The following AGBL1 variants were observed in gnomAD, a reference collection of about 807,000 sequenced individuals.
The protein encoded by AGBL1 is AGBL carboxypeptidase 1, also known as cytosolic carboxypeptidase 4.
Under a neutral mutation model 118.9 loss-of-function variants are expected in AGBL1, and 130 were observed. The ratio of observed to expected loss-of-function variants is 1.09; its 90% CI spans 0.95 to 1.26. The LOEUF (loss-of-function observed/expected upper bound fraction) is 1.26, where lower values mean the gene tolerates loss of function less well. Among genes scored for constraint, AGBL1 ranks in the 50% most tolerant of loss-of-function variants. The pLI, the probability that AGBL1 is intolerant of heterozygous loss-of-function variation, is 0.00. For missense variants in AGBL1, 1,584 were observed against 1,298.1 expected (o/e 1.22, Z -3.38); for synonymous variants, 555 against 478.9 (o/e 1.16, Z -2.08).
chr15:86,374,877 G>C (rs953201747), intron 17 of AGBL1, among the ~76,000 whole-genome samples: 2 of 152,174 alleles, frequency 1.3e-5, no homozygotes, highest in African/African-American at 2.4e-5. Flanking sequence ...ATTCTGATTT[G>C]TGAAATGGTG....
intron 1 of AGBL1, among the ~76,000 whole-genome samples, chr15:86,135,534 T>C (rs1204003668): frequency 6.6e-6 from 1 of 152,204 alleles, no homozygotes; most frequent in Non-Finnish European, 1.5e-5. Context: ...AGATGGACTT[T>C]ACATCCTGGC....
intron 22 of AGBL1, among the ~76,000 whole-genome samples, chr15:86,787,680 C>T (rs1460051632): frequency 6.6e-6 from 1 of 152,120 alleles, no homozygotes; most frequent in East Asian, 1.9e-4. Flanking sequence ...TATGAATAGT[C>T]CTCCAATGAA....
chr15:86,302,815 C>T (rs1364432767), intron 17 of AGBL1, among the ~76,000 whole-genome samples: 2 of 149,496 alleles, frequency 1.3e-5, no homozygotes, highest in Non-Finnish European at 3.0e-5. Context: ...TAGAAAATCT[C>T]AGGGTACAGG....
intron 22 of AGBL1, among the ~76,000 whole-genome samples, chr15:86,817,648 GACACAC>G (rs199984645): frequency 6.9e-6 from 1 of 144,264 alleles, no homozygotes; most frequent in East Asian, 2.1e-4. Context: ...CACACACACA[GACACAC>G]ACACACACAC....
chr15:86,803,405 G>A (rs942539082), intron 22 of AGBL1, among the ~76,000 whole-genome samples: 2 of 152,124 alleles, frequency 1.3e-5, no homozygotes. Context: ...CCAGCCATGT[G>A]GAAGTGTGAG....
At chr15:86,633,516 A>C (rs1426099255) in intron 21 of AGBL1, among the ~76,000 whole-genome samples, 1 of 152,126 alleles carries the variant, frequency 6.6e-6, no homozygotes, top group Non-Finnish European at 1.5e-5. Context: ...CTCTCAGTAA[A>C]TAAATACTGC....
At chr15:86,644,952 C>T (rs751586270) in intron 21 of AGBL1, among the ~76,000 whole-genome samples, 21 of 151,366 alleles carry the variant, frequency 1.4e-4, no homozygotes, top group South Asian at 1.3e-3. Context: ...ACCGAGGAGG[C>T]GGAGGTTGCA....
chr15:86,215,617 G>T (rs1338937391), intron 5 of AGBL1, among the ~76,000 whole-genome samples: 2 of 152,146 alleles, frequency 1.3e-5, no homozygotes, highest in Admixed American at 1.3e-4. Flanking sequence ...CAGATCTGCT[G>T]CTTTCTAACA....
intron 18 of AGBL1, among the ~76,000 whole-genome samples, chr15:86,457,964 G>A (rs2082281142): frequency 6.6e-6 from 1 of 152,084 alleles, no homozygotes; most frequent in South Asian, 2.1e-4. Flanking sequence ...GGGTAGTCTG[G>A]TATAAAAGGA....
chr15:86,384,247 G>A (rs986545057), intron 17 of AGBL1, among the ~76,000 whole-genome samples: 2 of 152,172 alleles, frequency 1.3e-5, no homozygotes, highest in African/African-American at 2.4e-5. Flanking sequence ...GAGGGAATCA[G>A]TTAATGCTTT....
chr15:86,372,908 T>C (rs1474395661), intron 17 of AGBL1, among the ~76,000 whole-genome samples: 1 of 152,254 alleles, frequency 6.6e-6, no homozygotes, highest in Non-Finnish European at 1.5e-5. Flanking sequence ...ATCCAGCTGT[T>C]ACTGGGTGCT....
At chr15:86,456,901 T>G (rs996782905) in intron 18 of AGBL1, among the ~76,000 whole-genome samples, 1 of 152,216 alleles carries the variant, frequency 6.6e-6, no homozygotes, top group Non-Finnish European at 1.5e-5. Context: ...ATGACCAACA[T>G]TTGAATATCT....
chr15:86,364,180 TA>T (rs1332259719), intron 17 of AGBL1, among the ~76,000 whole-genome samples: 1 of 152,122 alleles, frequency 6.6e-6, no homozygotes, highest in African/African-American at 2.4e-5. Context: ...CTGAAAAAAT[TA>T]AATACAGTGT....
intron 17 of AGBL1, among the ~76,000 whole-genome samples, chr15:86,386,938 A>G (rs2081205658): frequency 6.6e-6 from 1 of 152,200 alleles, no homozygotes; most frequent in South Asian, 2.1e-4. Context: ...TTATGTTGTG[A>G]CATAACTGGG....
chr15:86,512,140 TGTC>T lies in AGBL1; in HGVS notation c.2556-10669_2556-10667del, dbSNP rs1300182641. ...CACAGAGGTACACAAAACACTATCT[TGTC>T]TTTAAAGTGCTGAATGTCTGGTGGA... On this transcript the variant is annotated intron_variant, in intron 18 of 22. Transcript: ENST00000614907. 4.6e-5 allele frequency among the ~76,000 whole-genome samples: 7 copies of T among 151,970 alleles called. 1 individual carries two copies. The highest frequency in any genetic ancestry group is 3.9e-4 in the Admixed American group (6 of 15,242).
chr15:86,787,678 G>T (rs1225577026), intron 22 of AGBL1, among the ~76,000 whole-genome samples: 1 of 152,084 alleles, frequency 6.6e-6, no homozygotes, highest in African/African-American at 2.4e-5. Flanking sequence ...AATATGAATA[G>T]TCCTCCAATG....
At chr15:86,558,489 C>G (rs2083768390) in intron 21 of AGBL1, among the ~76,000 whole-genome samples, 1 of 152,142 alleles carries the variant, frequency 6.6e-6, no homozygotes, top group Admixed American at 6.5e-5. Context: ...CCCCTCTGCC[C>G]AACTTTGTTT....
chr15:87,013,196 C>T (rs1357616382), intron 24 of AGBL1, among the ~76,000 whole-genome samples: 1 of 152,146 alleles, frequency 6.6e-6, no homozygotes, highest in South Asian at 2.1e-4. Flanking sequence ...TTACTTCATC[C>T]TCATTTTATT....
intron 21 of AGBL1, among the ~76,000 whole-genome samples, chr15:86,647,527 C>T (rs2085302611): frequency 2.0e-5 from 3 of 152,204 alleles, no homozygotes; most frequent in Middle Eastern, 3.4e-3. Flanking sequence ...ATGGTGAAAC[C>T]CCGTCTCTAC....
Sources: allele counts gnomAD v4.1 joint callset (sites outside exome capture counted in the v4.1 genomes callset), GRCh38; gene constraint gnomAD v4.1.1; transcripts MANE v1.5; gene names NCBI Gene and HGNC (gene_info 2026-07-23, HGNC 2026-07-21).